Variants in ALDH1A2 observed in about 807,000 individuals in gnomAD.
ALDH1A2 encodes the protein retinal dehydrogenase 2.
A neutral mutation model predicts 60.3 loss-of-function variants in ALDH1A2; 27 were observed. The ratio of observed to expected loss-of-function variants is 0.45; its 90% CI spans 0.33 to 0.62. ALDH1A2 has a LOEUF of 0.62. ALDH1A2 is among the 20% of genes least tolerant of loss of function. The pLI is 0.02. For synonymous variants in ALDH1A2, 289 were observed against 232.4 expected, an observed-to-expected ratio of 1.24 and a Z score of -2.21; for missense variants, 581 against 643.8, an observed-to-expected ratio of 0.90 and a Z score of 1.06.
chr15:57,993,101 G>A (rs1193891478), intron 5 of ALDH1A2, 28 bp from the exon 6 acceptor site: 14 of 1,609,434 alleles, frequency 8.7e-6, no homozygotes, highest in Non-Finnish European at 1.2e-5. Context: ...AAAGTTGATA[G>A]ATGGAAAAAC....
At chr15:58,026,856 CAA>C (rs1896093424) in intron 1 of ALDH1A2, among the ~76,000 whole-genome samples, 1 of 152,182 alleles carries the variant, frequency 6.6e-6, no homozygotes, top group Admixed American at 6.5e-5. Flanking sequence ...AGCAGGTAAA[CAA>C]AGTGGCCAGA....
chr15:57,960,778 C>T lies in ALDH1A2; in HGVS notation c.1476G>A (p.Gly492=), dbSNP rs774047547. Residue 492 remains glycine, a synonymous_variant, in exon 12 of 13, where the codon GGG becomes GGA. Coordinates refer to ENST00000249750, the MANE Select transcript of ALDH1A2 (RefSeq NM_003888.4). ...GCAACTTTAAGACTTACATTTCTCT[C>T]CCATTTCCAGACATCTTGAATCCCC... ...PFGGFKMSGN[G]REMGEFGLRE... is the part of the protein sequence containing the mutation. 2 of 1,613,702 alleles carry T rather than the reference C, an allele frequency of 1.2e-6. No individual in the cohort carries two copies.
At chr15:58,060,733 G>A (rs1897014086) in intron 1 of ALDH1A2, among the ~76,000 whole-genome samples, 1 of 152,158 alleles carries the variant, frequency 6.6e-6, no homozygotes, top group Non-Finnish European at 1.5e-5. Flanking sequence ...AATTGAATGA[G>A]TGCAGTTGTG....
intron 1 of ALDH1A2, among the ~76,000 whole-genome samples, chr15:58,051,958 T>C (rs1166230785): frequency 1.3e-5 from 2 of 152,112 alleles, no homozygotes; most frequent in Non-Finnish European, 2.9e-5. Flanking sequence ...TGACAACAAA[T>C]ATTTTCTGCC....
intron 8 of ALDH1A2, chr15:57,964,664 G>A (rs1893836761): frequency 1.3e-5 from 2 of 153,236 alleles, no homozygotes; most frequent in African/African-American, 4.8e-5. Context: ...CTTCTTTGAA[G>A]ACACTAAATT....
chr15:58,054,736 A>G (rs1374633093), intron 1 of ALDH1A2, among the ~76,000 whole-genome samples: 1 of 152,162 alleles, frequency 6.6e-6, no homozygotes, highest in African/African-American at 2.4e-5. Context: ...CAGCCATAAA[A>G]AAAGAAAACA....
At position 57,953,946 on chromosome 15, in the gene ALDH1A2, AGG is replaced by A. The variant is rs1893431483; in HGVS notation, c.*1249_*1250del. 1.3e-5 allele frequency: 2 copies of A among 152,462 alleles called. No individual in the cohort carries two copies. Among genetic ancestry groups the A allele is most frequent in the Non-Finnish European group, 2.9e-5 (2 of 68,078 alleles). The allele number at this position is 152,462 out of a possible 1,614,324, so 9.4% of individuals were successfully genotyped here. A position where few individuals can be genotyped will look rare whatever the true frequency, so the allele number is the denominator to read the frequency against. ...TGGTGGAGTCACTGGAAAGCAGAAG[AGG>A]AGTATGTGGATGGGAAGAAAGGGAG... On this transcript the variant is annotated 3_prime_UTR_variant, in exon 13 of 13. Coordinates refer to ENST00000249750, the MANE Select transcript of ALDH1A2 (RefSeq NM_003888.4).
chr15:58,038,001 G>A (rs550597777), intron 1 of ALDH1A2, among the ~76,000 whole-genome samples: 46 of 151,342 alleles, frequency 3.0e-4, no homozygotes, highest in Non-Finnish European at 3.8e-4. Flanking sequence ...GTTTTCCCCC[G>A]TGGGGCCTTC....
chr15:57,965,272 G>A (rs781706586), intron 8 of ALDH1A2, among the ~76,000 whole-genome samples: 6 of 152,198 alleles, frequency 3.9e-5, no homozygotes, highest in Non-Finnish European at 7.3e-5. Context: ...GAAAGGGGCT[G>A]GAATTGACTA....
chr15:58,022,326 A>G (rs959262532), intron 1 of ALDH1A2, among the ~76,000 whole-genome samples: 4 of 152,134 alleles, frequency 2.6e-5, no homozygotes, highest in Non-Finnish European at 4.4e-5. Context: ...CCACTACCAC[A>G]TAAGCTGAAA....
chr15:58,042,627 G>C (rs1362821928), intron 1 of ALDH1A2, among the ~76,000 whole-genome samples: 2 of 151,878 alleles, frequency 1.3e-5, no homozygotes, highest in African/African-American at 4.8e-5. Context: ...TCAATCTACA[G>C]TGAATACCAT....
chr15:57,978,930 G>A (rs1369792615), intron 7 of ALDH1A2, among the ~76,000 whole-genome samples: 1 of 152,178 alleles, frequency 6.6e-6, no homozygotes, highest in Admixed American at 6.5e-5. Flanking sequence ...CAGATACTTG[G>A]GGGGCTGAGG....
At chr15:57,975,528 T>A (rs1894218892) in intron 7 of ALDH1A2, among the ~76,000 whole-genome samples, 1 of 152,206 alleles carries the variant, frequency 6.6e-6, no homozygotes, top group African/African-American at 2.4e-5. Flanking sequence ...AATGCTCCAA[T>A]GAGCCTTTCC....
Position 58,005,418 on chromosome 15 carries a change from C to G in ALDH1A2, c.493+5231G>C, listed in dbSNP as rs1012579604. ...TGTAACCCAATGCCTAATACAGGAGCTGAAACATAGCAGATGCTAAAAAAA... is the reference window on the plus strand; with the variant it reads ...TGTAACCCAATGCCTAATACAGGAGGTGAAACATAGCAGATGCTAAAAAAA... On this transcript the variant is annotated intron_variant, in intron 4 of 12. Coordinates refer to ENST00000249750, the MANE Select transcript of ALDH1A2 (RefSeq NM_003888.4). 3.3e-5 allele frequency among the ~76,000 whole-genome samples: 5 copies of G among 151,850 alleles called. No individual in the cohort carries two copies. In the East Asian group the frequency reaches 9.7e-4, roughly 29 times the overall value.
At chr15:58,037,788 T>C (rs957181768) in intron 1 of ALDH1A2, among the ~76,000 whole-genome samples, 12 of 151,698 alleles carry the variant, frequency 7.9e-5, no homozygotes, top group South Asian at 2.1e-4. Context: ...TAAGAAGCCA[T>C]GCAAATTAAA....
intron 7 of ALDH1A2, among the ~76,000 whole-genome samples, chr15:57,967,751 T>C (rs1183624898): frequency 1.3e-5 from 2 of 152,132 alleles, no homozygotes; most frequent in Admixed American, 1.3e-4. Context: ...GCCCTGAAGT[T>C]TGATGGGTGA....
At chr15:57,988,270 A>C (rs2140485182) in intron 7 of ALDH1A2, among the ~76,000 whole-genome samples, 1 of 152,330 alleles carries the variant, frequency 6.6e-6, no homozygotes, top group South Asian at 2.1e-4. Context: ...TTAATGGTAG[A>C]CTGTGATTGA....
At chr15:57,965,996 C>G (rs1893885067) in intron 7 of ALDH1A2, among the ~76,000 whole-genome samples, 169 bp from the exon 8 acceptor site, 1 of 152,152 alleles carries the variant, frequency 6.6e-6, no homozygotes, top group Admixed American at 6.5e-5. Context: ...TAGTGGGGTA[C>G]AGTTTAATGT....
At chr15:58,062,130 T>G (rs1293208354) in intron 1 of ALDH1A2, among the ~76,000 whole-genome samples, 1 of 152,166 alleles carries the variant, frequency 6.6e-6, no homozygotes, top group African/African-American at 2.4e-5. Flanking sequence ...TGATTGCCTT[T>G]TTGCCTCTTC....
Sources: allele counts gnomAD v4.1 joint callset (sites outside exome capture counted in the v4.1 genomes callset), GRCh38; gene constraint gnomAD v4.1.1; transcripts MANE v1.5; gene names NCBI Gene and HGNC (gene_info 2026-07-23, HGNC 2026-07-21).